MORC1: variants seen among roughly 807,000 people sequenced by gnomAD.
MORC1 encodes MORC family CW-type zinc finger 1.
In MORC1, 59 loss-of-function variants were observed where a neutral mutation model predicts 134.9. The observed-to-expected ratio is 0.44, with a 90% CI of 0.35 to 0.54. The LOEUF is 0.54. MORC1 is among the 20% of genes least tolerant of loss of function. The probability of loss-of-function intolerance (pLI) is 0.00; values close to 1 mark genes in which losing one functional copy is unlikely to be tolerated. For synonymous variants in MORC1, 395 were observed against 391.7 expected, an observed-to-expected ratio of 1.01 and a Z score of -0.10; for missense variants, 947 against 1,134.5, an observed-to-expected ratio of 0.83 and a Z score of 2.37.
At chr3:109,031,738 C>G (rs1399204915) in intron 16 of MORC1, among the ~76,000 whole-genome samples, 7 of 152,082 alleles carry the variant, frequency 4.6e-5, no homozygotes, top group Non-Finnish European at 1.0e-4. Flanking sequence ...GAGTAGGGAA[C>G]AGAAATAAAA....
intron 8 of MORC1, among the ~76,000 whole-genome samples, chr3:109,080,517 C>T (rs1950502236): frequency 6.6e-6 from 1 of 152,062 alleles, no homozygotes; most frequent in African/African-American, 2.4e-5. Flanking sequence ...CCAGACAGTC[C>T]TTCAAACTCC....
At chr3:109,050,978 C>T (rs1949809365) in intron 14 of MORC1, among the ~76,000 whole-genome samples, 2 of 152,134 alleles carry the variant, frequency 1.3e-5, no homozygotes, top group Admixed American at 6.5e-5. Flanking sequence ...TTCATAATTG[C>T]TCCTGTTCAA....
chr3:109,050,196 T>A (rs1449905533), intron 14 of MORC1, among the ~76,000 whole-genome samples: 1 of 152,222 alleles, frequency 6.6e-6, no homozygotes, highest in Non-Finnish European at 1.5e-5. Flanking sequence ...TTCTTCTCTG[T>A]TGGGCACTAA....
At chr3:109,103,950 T>C (rs765180885) in intron 3 of MORC1, 33 bp from the exon 4 acceptor site, 1 of 1,574,366 alleles carries the variant, frequency 6.4e-7, no homozygotes, top group East Asian at 2.2e-5. Context: ...CTAATAAATA[T>C]CGGGCTTAAT....
chr3:109,072,185 C>T (rs1576710903), intron 8 of MORC1, among the ~76,000 whole-genome samples: 1 of 152,056 alleles, frequency 6.6e-6, no homozygotes, highest in African/African-American at 2.4e-5. Flanking sequence ...ATGGTCTGAC[C>T]CCCGCTTAAT....
chr3:108,964,639 C>T (rs1429621203), intron 26 of MORC1, among the ~76,000 whole-genome samples: 1 of 152,170 alleles, frequency 6.6e-6, no homozygotes, highest in Non-Finnish European at 1.5e-5. Context: ...TAAATATTCA[C>T]TAACTAGTTC....
chr3:109,019,134 C>G (rs979008676), intron 17 of MORC1: 1 of 152,158 alleles, frequency 6.6e-6, no homozygotes, highest in African/African-American at 2.4e-5. Context: ...TTCTTTTCAC[C>G]GGCCTGGTGG....
At chr3:108,960,882 T>C (rs940339717) in intron 27 of MORC1, among the ~76,000 whole-genome samples, 2 of 152,230 alleles carry the variant, frequency 1.3e-5, no homozygotes, top group Admixed American at 1.3e-4. Flanking sequence ...TTGACATGGT[T>C]AAATTCCAAG....
intron 25 of MORC1, among the ~76,000 whole-genome samples, chr3:108,970,964 T>C (rs1947361428): frequency 6.6e-6 from 1 of 152,184 alleles, no homozygotes. Context: ...GATTAGTGCT[T>C]TGGATACCTA....
At chr3:109,004,510 C>CA (rs1183994501) in intron 20 of MORC1, among the ~76,000 whole-genome samples, 188 of 149,492 alleles carry the variant, frequency 1.3e-3, no homozygotes, top group African/African-American at 3.6e-3. Context: ...GGCAAATTCT[C>CA]AAAAAAAAAG....
At chr3:108,965,916 CT>C (rs1947206869) in intron 26 of MORC1, among the ~76,000 whole-genome samples, 1 of 152,028 alleles carries the variant, frequency 6.6e-6, no homozygotes, top group Non-Finnish European at 1.5e-5. Flanking sequence ...GAAAGTTTAC[CT>C]TTTAGTAACC....
At chr3:108,978,865 T>A (rs1284096312) in intron 24 of MORC1, among the ~76,000 whole-genome samples, 1 of 152,052 alleles carries the variant, frequency 6.6e-6, no homozygotes, top group Non-Finnish European at 1.5e-5. Context: ...ACAAAACCAA[T>A]GAGGTACATT....
intron 14 of MORC1, among the ~76,000 whole-genome samples, chr3:109,040,164 C>A (rs1260269472): frequency 6.6e-6 from 1 of 151,388 alleles, no homozygotes; most frequent in Non-Finnish European, 1.5e-5. Context: ...TCCGGAAATA[C>A]AACACTGTTA....
intron 17 of MORC1, among the ~76,000 whole-genome samples, chr3:109,025,068 G>T (rs1159287905): frequency 2.6e-5 from 4 of 152,194 alleles, no homozygotes; most frequent in Admixed American, 2.6e-4. Flanking sequence ...TCATCTTTCA[G>T]AGGTCTTCTG....
At chr3:109,115,029 A>G (rs953371841) in intron 1 of MORC1, among the ~76,000 whole-genome samples, 12 of 152,214 alleles carry the variant, frequency 7.9e-5, no homozygotes, top group Non-Finnish European at 2.9e-5. Context: ...AATGCTCCAG[A>G]CAGCCTTCAG....
chr3:109,082,251 A>T (rs544601930), intron 8 of MORC1, among the ~76,000 whole-genome samples: 1,739 of 139,592 alleles, frequency 0.012, 22 homozygotes, highest in African/African-American at 0.047. Context: ...AGAAAAATTT[A>T]AAAAAAAAAA....
chr3:109,046,373 T>C (rs1949697627), intron 14 of MORC1, among the ~76,000 whole-genome samples: 1 of 152,228 alleles, frequency 6.6e-6, no homozygotes, highest in South Asian at 2.1e-4. Flanking sequence ...TTTTTTAGGT[T>C]ATATTTTTAT....
intron 17 of MORC1, among the ~76,000 whole-genome samples, chr3:109,021,119 G>A (rs1168610894): frequency 6.6e-6 from 1 of 152,142 alleles, no homozygotes; most frequent in African/African-American, 2.4e-5. Context: ...GCCTGCTGCG[G>A]AAGGAAGCCA....
intron 26 of MORC1, among the ~76,000 whole-genome samples, chr3:108,964,788 T>A (rs927029113): frequency 2.6e-5 from 4 of 152,214 alleles, no homozygotes; most frequent in African/African-American, 9.6e-5. Context: ...AAGGACCTTG[T>A]GCCCCCAAGA....
Sources: gnomAD v4.1 joint callset for allele counts (sites outside exome capture counted in the v4.1 genomes callset) on GRCh38, gnomAD v4.1.1 for gene constraint, MANE v1.5 for transcripts, NCBI Gene and HGNC (gene_info 2026-07-23, HGNC 2026-07-21) for gene names.